The following NTM variants were observed in gnomAD, a reference collection of about 807,000 sequenced individuals.
NTM encodes the protein IgLON family member 2.
In NTM, 13 loss-of-function variants were observed where a neutral mutation model predicts 42.1. The observed-to-expected ratio is 0.31, with a 90% CI of 0.20 to 0.49. The LOEUF (loss-of-function observed/expected upper bound fraction) is 0.49, where lower values mean the gene tolerates loss of function less well. Ranked by LOEUF, NTM falls within the 20% of genes least tolerant of loss-of-function variation. The probability of loss-of-function intolerance (pLI) is 0.99; values close to 1 mark genes in which losing one functional copy is unlikely to be tolerated. For synonymous variants in NTM, 187 were observed against 179.2 expected (o/e 1.04, Z -0.35); for missense variants, 373 against 452.8 (o/e 0.82, Z 1.60).
chr11:131,511,208 G>T (rs925134807), intron 1 of NTM, among the ~76,000 whole-genome samples: 6 of 152,218 alleles, frequency 3.9e-5, no homozygotes, highest in African/African-American at 1.4e-4. Flanking sequence ...TCTGAGCAGG[G>T]AAGCAGGTGG....
intron 1 of NTM, among the ~76,000 whole-genome samples, chr11:131,614,891 C>A (rs2061777286): frequency 6.6e-6 from 1 of 152,224 alleles, no homozygotes; most frequent in African/African-American, 2.4e-5. Flanking sequence ...CCCTGCCCGC[C>A]TGGCTTTGAT....
intron 1 of NTM, among the ~76,000 whole-genome samples, chr11:131,710,312 C>T (rs1422570750): frequency 6.6e-6 from 1 of 152,070 alleles, no homozygotes; most frequent in Non-Finnish European, 1.5e-5. Flanking sequence ...GGAAAAATAC[C>T]CATGATATCT....
At position 131,517,367 on chromosome 11, in the gene NTM, C is replaced by T. The variant is rs1482953574; in HGVS notation, c.82+146479C>T. On this transcript the variant is annotated intron_variant, in intron 1 of 8. Coordinates refer to ENST00000683400, the MANE Select transcript of NTM (RefSeq NM_001352005.2). ...AGAAACTCCCTTTCCTTTTTACTGTCACCTCCATCCTTGGTTACGGCATGG... is the reference window on the plus strand; with the variant it reads ...AGAAACTCCCTTTCCTTTTTACTGTTACCTCCATCCTTGGTTACGGCATGG... Among the ~76,000 whole-genome samples the T allele has an allele frequency of 3.3e-5, 5 of 152,216 alleles. No individual in the cohort carries two copies. In the South Asian group the frequency reaches 1.0e-3, roughly 32 times the overall value.
At chr11:131,935,615 G>T (rs1452693740) in intron 2 of NTM, among the ~76,000 whole-genome samples, 1 of 152,118 alleles carries the variant, frequency 6.6e-6, no homozygotes, top group Non-Finnish European at 1.5e-5. Context: ...GGAGGGAAGG[G>T]GAGGGTTCCC....
chr11:132,027,610 G>A (rs552412665), intron 2 of NTM, among the ~76,000 whole-genome samples: 1 of 152,292 alleles, frequency 6.6e-6, no homozygotes, highest in South Asian at 2.1e-4. Context: ...GAAGTCCAAT[G>A]TAATTCTTAT....
intron 1 of NTM, among the ~76,000 whole-genome samples, chr11:131,612,353 CTGCTTTG>C (rs1481820071): frequency 6.6e-6 from 1 of 152,242 alleles, no homozygotes; most frequent in Non-Finnish European, 1.5e-5. Flanking sequence ...AGGCTATGGC[CTGCTTTG>C]TTATACAGCA....
At chr11:131,700,984 A>G (rs913697150) in intron 1 of NTM, among the ~76,000 whole-genome samples, 1 of 152,224 alleles carries the variant, frequency 6.6e-6, no homozygotes, top group Non-Finnish European at 1.5e-5. Flanking sequence ...AGTTTCTTAA[A>G]GTTTCTGAAC....
At chr11:131,392,175 A>G (rs928974468) in intron 1 of NTM, among the ~76,000 whole-genome samples, 4 of 152,254 alleles carry the variant, frequency 2.6e-5, no homozygotes, top group African/African-American at 9.6e-5. Context: ...ATACTATATT[A>G]CAGTGTTTCA....
At chr11:131,941,185 T>G (rs1210598113) in intron 2 of NTM, among the ~76,000 whole-genome samples, 1 of 152,220 alleles carries the variant, frequency 6.6e-6, no homozygotes, top group Non-Finnish European at 1.5e-5. Flanking sequence ...TGCCACTTAT[T>G]AGCTGACATT....
chr11:131,630,152 A>G (rs775383392), intron 1 of NTM, among the ~76,000 whole-genome samples: 13 of 152,270 alleles, frequency 8.5e-5, no homozygotes, highest in Non-Finnish European at 1.6e-4. Flanking sequence ...CTACCGGCAA[A>G]GGAGGTCGGG....
At chr11:131,522,625 C>T (rs1310962822) in intron 1 of NTM, among the ~76,000 whole-genome samples, 1 of 152,184 alleles carries the variant, frequency 6.6e-6, no homozygotes, top group Admixed American at 6.5e-5. Context: ...GCAAATACGA[C>T]CTACGTGGAA....
At chr11:131,884,908 C>T (rs893591194) in intron 1 of NTM, among the ~76,000 whole-genome samples, 1 of 152,212 alleles carries the variant, frequency 6.6e-6, no homozygotes, top group East Asian at 1.9e-4. Context: ...GTGCATTCAA[C>T]CTTCACAGCA....
chr11:131,439,943 C>CTTT lies in NTM; in HGVS notation c.82+69069_82+69071dup, dbSNP rs11388263. 9.8e-3 allele frequency among the ~76,000 whole-genome samples: 1,345 copies of CTTT among 137,692 alleles called. 18 individuals carry two copies. The highest frequency in any genetic ancestry group is 0.012 in the Non-Finnish European group (755 of 64,458). 90.3% of individuals were successfully genotyped at this position (137,692 alleles called of 152,430 possible). A position where few individuals can be genotyped will look rare whatever the true frequency, so the allele number is the denominator to read the frequency against. ...GCTGTTCCTATTCGGCCATCTTAGG[C>CTTT]TTTTTTTTTTTTTTTTAACTACTCT... is the stretch of plus-strand genomic sequence containing the variant. On this transcript the variant is annotated intron_variant, in intron 1 of 8. Transcript: ENST00000683400.
intron 1 of NTM, among the ~76,000 whole-genome samples, chr11:131,799,370 A>T (rs1294044987): frequency 6.6e-6 from 1 of 152,132 alleles, no homozygotes; most frequent in African/African-American, 2.4e-5. Flanking sequence ...TTTTTGAGCT[A>T]ATGGGCATCT....
rs113444388 is a variant in NTM, at chr11:131,392,567, C to A, written c.82+21679C>A. 1.2e-3 allele frequency among the ~76,000 whole-genome samples: 181 copies of A among 152,334 alleles called. 1 individual carries two copies. The highest frequency in any genetic ancestry group is 0.01 in the Middle Eastern group (3 of 294). ...GAAGAGCAAATTCAATAAAGCCTCG[C>A]CTTGAGAAGGATGTGTTTTATAAGC... On this transcript the variant is annotated intron_variant, in intron 1 of 8. Transcript: ENST00000683400.
At chr11:131,945,929 G>A (rs1271002123) in intron 2 of NTM, among the ~76,000 whole-genome samples, 5 of 152,180 alleles carry the variant, frequency 3.3e-5, no homozygotes, top group Admixed American at 1.3e-4. Flanking sequence ...CAGTGCAGGC[G>A]GATAGTATAT....
chr11:131,744,616 TG>T (rs950005145), intron 1 of NTM, among the ~76,000 whole-genome samples: 1 of 151,526 alleles, frequency 6.6e-6, no homozygotes, highest in Non-Finnish European at 1.5e-5. Flanking sequence ...AGAAAATTAA[TG>T]TTTTTTTTAA....
intron 8 of NTM, among the ~76,000 whole-genome samples, chr11:132,331,899 T>C (rs1424469285): frequency 5.3e-5 from 8 of 151,992 alleles, no homozygotes; most frequent in Admixed American, 2.0e-4. Context: ...CACATGTGGT[T>C]ATGTGGCAAG....
intron 2 of NTM, among the ~76,000 whole-genome samples, chr11:132,120,019 T>C (rs2064510209): frequency 6.6e-6 from 1 of 152,188 alleles, no homozygotes; most frequent in Non-Finnish European, 1.5e-5. Flanking sequence ...CTCAGAAGAA[T>C]GCGATTCTGG....
Sources: allele counts gnomAD v4.1 joint callset (sites outside exome capture counted in the v4.1 genomes callset), GRCh38; gene constraint gnomAD v4.1.1; transcripts MANE v1.5; gene names NCBI Gene and HGNC (gene_info 2026-07-23, HGNC 2026-07-21).